The following TP63 variants were observed in gnomAD, a reference collection of about 807,000 sequenced individuals.
The protein encoded by TP63 is tumor protein 63.
Under a neutral mutation model 82.8 loss-of-function variants are expected in TP63, and 17 were observed. The ratio of observed to expected loss-of-function variants is 0.21; its 90% CI spans 0.14 to 0.31. The LOEUF is 0.31. Ranked by LOEUF, TP63 falls within the 10% of genes least tolerant of loss-of-function variation. The probability of loss-of-function intolerance (pLI) is 1.00; values close to 1 mark genes in which losing one functional copy is unlikely to be tolerated. For missense variants in TP63, 648 were observed against 895.3 expected, an observed-to-expected ratio of 0.72 and a Z score of 3.52; for synonymous variants, 330 against 321.7, an observed-to-expected ratio of 1.03 and a Z score of -0.28.
chr3:189,855,401 A>G (rs1244234726), intron 4 of TP63, among the ~76,000 whole-genome samples: 1 of 152,154 alleles, frequency 6.6e-6, no homozygotes, highest in African/African-American at 2.4e-5. Flanking sequence ...GGACTTTTCT[A>G]CACTGAAATG....
chr3:189,766,793 A>T (rs956221429), intron 3 of TP63, among the ~76,000 whole-genome samples: 1 of 152,222 alleles, frequency 6.6e-6, no homozygotes, highest in African/African-American at 2.4e-5. Context: ...CCACTTTGAA[A>T]CAGCAACAGT....
intron 3 of TP63, among the ~76,000 whole-genome samples, chr3:189,778,157 G>A (rs1448357691): frequency 2.6e-5 from 4 of 152,136 alleles, no homozygotes; most frequent in Non-Finnish European, 4.4e-5. Flanking sequence ...ATGAGCCACT[G>A]CGCCTGGCCG....
At chr3:189,766,755 G>T (rs548052740) in intron 3 of TP63, among the ~76,000 whole-genome samples, 19 of 151,988 alleles carry the variant, frequency 1.3e-4, no homozygotes, top group Non-Finnish European at 2.8e-4. Context: ...TCTTTTCTCT[G>T]GTTTAAAAAA....
intron 1 of TP63, among the ~76,000 whole-genome samples, chr3:189,673,696 C>A (rs533589557): frequency 6.6e-6 from 1 of 152,054 alleles, no homozygotes; most frequent in Non-Finnish European, 1.5e-5. Flanking sequence ...CACATATTTT[C>A]GTTTCTGTTA....
rs116016725 is a variant in TP63 at position 189,730,598 on chromosome 3, G to T, written c.63-7142G>T. ...GAGTAACAACTTCCCTATCCTTGCT[G>T]AACGTAAAGATCATCATGTATAAAT... On this transcript the variant is annotated intron_variant, in intron 1 of 13. Coordinates refer to ENST00000264731, the MANE Select transcript of TP63 (RefSeq NM_003722.5). 7.0e-3 allele frequency among the ~76,000 whole-genome samples: 1,072 copies of T among 152,248 alleles called. 10 individuals are homozygous for T. Among genetic ancestry groups the T allele is most frequent in the South Asian group, 0.024 (115 of 4,820 alleles).
intron 1 of TP63, among the ~76,000 whole-genome samples, chr3:189,684,655 A>T: frequency 6.9e-6 from 1 of 144,172 alleles, no homozygotes; most frequent in African/African-American, 2.6e-5. Context: ...TTTTGAGATG[A>T]ATTTCACTCT....
At chr3:189,725,851 G>A (rs1719737753) in intron 1 of TP63, among the ~76,000 whole-genome samples, 1 of 152,084 alleles carries the variant, frequency 6.6e-6, no homozygotes, top group Non-Finnish European at 1.5e-5. Context: ...ATCAGGAGCT[G>A]GAGATCAACC....
chr3:189,874,147 G>T (rs531443568), intron 10 of TP63, among the ~76,000 whole-genome samples: 18 of 152,242 alleles, frequency 1.2e-4, no homozygotes, highest in Admixed American at 1.1e-3. Context: ...TTGGCTCACT[G>T]CAACCTCTGC....
chr3:189,790,303 A>AT (rs1010116563), intron 3 of TP63, among the ~76,000 whole-genome samples: 7 of 152,098 alleles, frequency 4.6e-5, no homozygotes, highest in African/African-American at 9.6e-5. Flanking sequence ...ATCAGGTGAG[A>AT]TTTTTTAAAG....
At chr3:189,792,210 G>A (rs942793725) in intron 3 of TP63, among the ~76,000 whole-genome samples, 13 of 152,070 alleles carry the variant, frequency 8.5e-5, no homozygotes, top group Middle Eastern at 6.8e-3. Context: ...GAAATGGTCC[G>A]GAAGGGAGGA....
chr3:189,601,062 C>T, the TP63 span, among the ~76,000 whole-genome samples: 1 of 152,186 alleles, frequency 6.6e-6, no homozygotes, highest in Non-Finnish European at 1.5e-5. Context: ...AAAGCTTACA[C>T]TTCATTTTCT....
intron 4 of TP63, among the ~76,000 whole-genome samples, chr3:189,842,290 A>G (rs1010844694): frequency 6.6e-6 from 1 of 151,998 alleles, no homozygotes; most frequent in South Asian, 2.1e-4. Context: ...CTGCCCACCA[A>G]CCCTGTCCCC....
chr3:189,674,360 C>T (rs534257639), intron 1 of TP63, among the ~76,000 whole-genome samples: 84 of 152,184 alleles, frequency 5.5e-4, no homozygotes, highest in Non-Finnish European at 9.7e-4. Context: ...TGTCTTATTT[C>T]TGGTTCCCTC....
At chr3:189,843,129 G>A (rs1176517931) in intron 4 of TP63, among the ~76,000 whole-genome samples, 2 of 152,228 alleles carry the variant, frequency 1.3e-5, no homozygotes, top group Non-Finnish European at 2.9e-5. Flanking sequence ...CCTTCAGCAG[G>A]GAGGACACAG....
chr3:189,783,529 ATAAT>A (rs1489529757), intron 3 of TP63, among the ~76,000 whole-genome samples: 3 of 151,930 alleles, frequency 2.0e-5, no homozygotes, highest in Admixed American at 1.3e-4. Flanking sequence ...GTATAATAAA[ATAAT>A]TAGAGTTTTT....
intron 4 of TP63, among the ~76,000 whole-genome samples, chr3:189,839,781 A>G (rs1481166158): frequency 1.3e-5 from 2 of 152,124 alleles, no homozygotes; most frequent in African/African-American, 4.8e-5. Context: ...CTCCACACTC[A>G]GGACAAGCTT....
chr3:189,646,315 G>T (rs1712421306), intron 1 of TP63, among the ~76,000 whole-genome samples: 1 of 146,768 alleles, frequency 6.8e-6, no homozygotes, highest in Admixed American at 6.7e-5. Context: ...CTTCTCTGTA[G>T]GTGTAGGGTA....
intron 6 of TP63, 68 bp downstream of exon 6, chr3:189,866,865 G>T: frequency 8.0e-7 from 1 of 1,257,382 alleles, no homozygotes; most frequent in South Asian, 1.2e-5. Context: ...GAGAACATCT[G>T]TTTCAGCAAC....
chr3:189,826,371 A>G (rs1244093366), intron 4 of TP63, among the ~76,000 whole-genome samples: 1 of 152,238 alleles, frequency 6.6e-6, no homozygotes, highest in African/African-American at 2.4e-5. Flanking sequence ...TACTTGAAAA[A>G]TGATTTTATG....
Sources: allele counts gnomAD v4.1 joint callset (sites outside exome capture counted in the v4.1 genomes callset), GRCh38; gene constraint gnomAD v4.1.1; transcripts MANE v1.5; gene names NCBI Gene and HGNC (gene_info 2026-07-23, HGNC 2026-07-21).